The following PTCH1 variants were observed in gnomAD, a reference collection of about 807,000 sequenced individuals.
The protein encoded by PTCH1 is protein patched homolog 1.
In PTCH1, 14 loss-of-function variants were observed where a neutral mutation model predicts 144.6. The ratio of observed to expected loss-of-function variants is 0.10; its 90% CI spans 0.06 to 0.15. The LOEUF (loss-of-function observed/expected upper bound fraction) is 0.15. PTCH1 is among the 10% of genes least tolerant of loss of function. The pLI, the probability that PTCH1 is intolerant of heterozygous loss-of-function variation, is 1.00. For synonymous variants in PTCH1, 833 were observed against 793.6 expected, an observed-to-expected ratio of 1.05 and a Z score of -0.83; for missense variants, 1,623 against 1,948.3, an observed-to-expected ratio of 0.83 and a Z score of 3.14.
chr9:95,463,363 C>A (rs1252961265), intron 15 of PTCH1, among the ~76,000 whole-genome samples: 1 of 151,554 alleles, frequency 6.6e-6, no homozygotes, highest in East Asian at 1.9e-4. Flanking sequence ...TCAGGGTGAG[C>A]GTGGAGGGGA....
chr9:95,486,924 T>G (rs1423822114), intron 2 of PTCH1, among the ~76,000 whole-genome samples: 1 of 152,194 alleles, frequency 6.6e-6, no homozygotes, highest in Non-Finnish European at 1.5e-5. Flanking sequence ...GAATTGTTCC[T>G]AAAGTCATTG....
intron 3 of PTCH1, chr9:95,483,294 T>C (rs932135706): frequency 6.6e-6 from 1 of 151,626 alleles, no homozygotes; most frequent in Admixed American, 6.6e-5. Flanking sequence ...GGGAGTTTTA[T>C]TGTCTCTAGA....
intron 2 of PTCH1, 99 bp downstream of exon 2, chr9:95,506,308 C>T: frequency 7.2e-7 from 1 of 1,384,156 alleles, no homozygotes; most frequent in Non-Finnish European, 9.8e-7. Flanking sequence ...GGGGTTTCGC[C>T]GGCCGCAGCC....
chr9:95,447,118 C>T lies in PTCH1; in HGVS notation c.4138G>A (p.Ala1380Thr), dbSNP rs111481152. 1.7e-5 allele frequency: 28 copies of T among 1,613,242 alleles called. No homozygotes were observed. Among genetic ancestry groups the T allele is most frequent in the Admixed American group, 3.3e-5 (2 of 59,996 alleles). The change falls in exon 23 of 24, where the codon GCC becomes ACC. Residue 1380 changes from alanine (A) to threonine (T), a missense_variant. Physicochemically the swap from Ala to Thr is moderately conservative, Grantham distance 58 (BLOSUM62 0). Around this residue, in one of 7 missense-constraint regions of PTCH1, gnomAD observed 291 missense variants for 287.4 expected, o/e 1.01. Coordinates refer to ENST00000331920, the MANE Select transcript of PTCH1 (RefSeq NM_000264.5). ...TVTASASVTV[A>T]VHPPPVPGPG... ...CCAGGGACAGGCGGCGGGTGCACGGCGACAGTCACGGAGGCAGAAGCCGTC... is the reference window on the plus strand; with the variant it reads ...CCAGGGACAGGCGGCGGGTGCACGGTGACAGTCACGGAGGCAGAAGCCGTC...
intron 2 of PTCH1, among the ~76,000 whole-genome samples, chr9:95,489,959 C>A (rs1244007504): frequency 6.6e-6 from 1 of 151,352 alleles, no homozygotes; most frequent in Non-Finnish European, 1.5e-5. Context: ...CGCCACCAGG[C>A]CTGGCTAATT....
At chr9:95,507,476 G>C (rs955397329) in intron 1 of PTCH1, 1 of 976,098 alleles carries the variant, frequency 1.0e-6, no homozygotes, top group East Asian at 1.1e-4. Context: ...CAGCTCCGCA[G>C]ACTCGCACCG....
chr9:95,458,309 C>T lies in PTCH1; in HGVS notation c.2888-16G>A. On this transcript the variant is annotated splice_polypyrimidine_tract_variant and intron_variant, in intron 17 of 23. Transcript: ENST00000331920. The surrounding 1 kb of genome is among the most constrained non-coding windows in gnomAD (Gnocchi z 4.7). ...GCTGCCGGGACTGGACAGAGAAGGG[C>T]ACAGGTTAGGAGCAGCCCAGGGTAG... is the stretch of plus-strand genomic sequence containing the variant. 6.2e-7 allele frequency: 1 copy of T among 1,612,760 alleles called. No homozygotes were observed. Among genetic ancestry groups the T allele is most frequent in the Non-Finnish European group, 8.5e-7 (1 of 1,179,646 alleles).
rs2136689118 is a variant in PTCH1, at chr9:95,461,961, C to T, written c.2598G>A (p.Gly866=). 6.2e-7 allele frequency: 1 copy of T among 1,614,224 alleles called. No individual in the cohort carries two copies. Among genetic ancestry groups the T allele is most frequent in the East Asian group, 2.2e-5 (1 of 44,880 alleles). Residue 866 remains glycine, a synonymous_variant, in exon 16 of 24, where the codon GGG becomes GGA. Transcript: ENST00000331920. Reference sequence around the variant, plus strand: ...TCTTGTAATTGTTTGGCATGATTTTCCCGGTTTCCCAGTCACTGTCAAATG... The same window carrying T: ...TCTTGTAATTGTTTGGCATGATTTTTCCGGTTTCCCAGTCACTGTCAAATG... ...QDAFDSDWET[G]KIMPNNYKNG...
At chr9:95,454,118 T>C (rs557493936) in intron 19 of PTCH1, among the ~76,000 whole-genome samples, 7 of 152,354 alleles carry the variant, frequency 4.6e-5, no homozygotes, top group African/African-American at 1.4e-4. Flanking sequence ...CTAAGCACTA[T>C]GAGTGTATTG....
intron 6 of PTCH1, 51 bp from the exon 7 acceptor site, chr9:95,480,141 A>G (rs1313917846): frequency 6.2e-7 from 1 of 1,611,652 alleles, no homozygotes; most frequent in Non-Finnish European, 8.5e-7. Context: ...GGCAGGTCAC[A>G]TGCCTTGTTA....
At position 95,508,325 on chromosome 9, in the gene PTCH1, G is replaced by C. The variant is rs779791579; in HGVS notation, c.37C>G (p.Arg13Gly). ...SAGNAAEPQDRGGGGSGCIGA... is the reference protein window; with the variant it reads ...SAGNAAEPQDGGGGGSGCIGA... ...ATACAGCCGCTGCCGCCGCCGCCGC[G>C]GTCCTGGGGCTCGGCGGCGTTACCA... is the stretch of plus-strand genomic sequence containing the variant. The change falls in exon 1 of 24, where the codon CGC becomes GGC. Residue 13 changes from arginine to glycine, a missense_variant. Transcript: ENST00000331920. The C allele has an allele frequency of 6.7e-4, 893 of 1,329,986 alleles. No homozygotes were observed. Among genetic ancestry groups the C allele is most frequent in the East Asian group, 1.5e-3 (48 of 31,930 alleles). 82.4% of individuals were successfully genotyped at this position (1,329,986 alleles called of 1,614,324 possible).
At chr9:95,504,753 C>T (rs1302229720) in intron 2 of PTCH1, among the ~76,000 whole-genome samples, 1 of 152,170 alleles carries the variant, frequency 6.6e-6, no homozygotes, top group Non-Finnish European at 1.5e-5. Context: ...AGTTCTCTCC[C>T]CCCACCCCCT....
exon 1 of PTCH1, chr9:95,516,755 G>A (rs748532350): frequency 1.2e-6 from 2 of 1,613,304 alleles, no homozygotes; most frequent in South Asian, 2.2e-5. Context: ...CTGGGCCGCC[G>A]GAGGCTTTCG....
chr9:95,472,023 G>T (rs1452929085), intron 12 of PTCH1, among the ~76,000 whole-genome samples: 1 of 152,240 alleles, frequency 6.6e-6, no homozygotes, highest in Admixed American at 6.5e-5. Flanking sequence ...GGCAACAAGA[G>T]TGAGACTCCG....
In PTCH1 at chr9:95,453,311, G is replaced by A. The variant is rs993836748; in HGVS notation, c.3449+167C>T. The A allele has an allele frequency of 4.2e-6, 4 of 953,998 alleles. No individual in the cohort carries two copies. In the African/African-American group the frequency reaches 6.5e-5, roughly 15 times the overall value. The allele number at this position is 953,998 out of a possible 1,614,324, so 59.1% of individuals were successfully genotyped here. A position where few individuals can be genotyped will look rare whatever the true frequency, so the allele number is the denominator to read the frequency against. ...CACGCCCGGCTAATTTTTGTATTTT[G>A]AGTGGAGATGAGTTTCACCATCTTG... On this transcript the variant is annotated intron_variant, in intron 20 of 23. Transcript: ENST00000331920.
upstream of PTCH1, among the ~76,000 whole-genome samples, chr9:95,513,475 A>G (rs1374634978): frequency 6.6e-6 from 1 of 152,086 alleles, no homozygotes; most frequent in Non-Finnish European, 1.5e-5. Context: ...ATTTGATGCA[A>G]TATTCTTTTA....
chr9:95,449,494 G>C lies in PTCH1; in HGVS notation c.3550-171C>G. 2 of 879,828 alleles carry C rather than the reference G, an allele frequency of 2.3e-6. No individual in the cohort carries two copies. Among genetic ancestry groups the C allele is most frequent in the Non-Finnish European group, 3.5e-6 (2 of 566,178 alleles). 54.5% of individuals were successfully genotyped at this position (879,828 alleles called of 1,614,324 possible). A position where few individuals can be genotyped will look rare whatever the true frequency, so the allele number is the denominator to read the frequency against. ...ACCACCTGGAGGACCTTCAGGTCCC[G>C]CAGCTGGAGCAGAAGAACTGTCCTC... On this transcript the variant is annotated intron_variant, in intron 21 of 23. Transcript: ENST00000331920. This position sits in a 1 kb window ranked among gnomAD's most constrained non-coding sequence, Gnocchi z 5.3.
intron 13 of PTCH1, 49 bp downstream of exon 13, chr9:95,469,764 A>G: frequency 6.7e-7 from 1 of 1,502,816 alleles, no homozygotes; most frequent in East Asian, 2.3e-5. Flanking sequence ...GTTCTCTCAC[A>G]GCACCATTCT....
intron 2 of PTCH1, among the ~76,000 whole-genome samples, chr9:95,490,149 A>G (rs1283806013): frequency 1.3e-5 from 2 of 151,280 alleles, no homozygotes; most frequent in East Asian, 2.0e-4. Flanking sequence ...GTTTATTTCT[A>G]TCAATTTTTC....
Sources: gnomAD v4.1 joint callset for allele counts (sites outside exome capture counted in the v4.1 genomes callset) on GRCh38, gnomAD v4.1.1 for gene constraint, gnomAD v4.1.1 regional missense constraint, Gnocchi (gnomAD v3.1) non-coding constraint, MANE v1.5 for transcripts, NCBI Gene and HGNC (gene_info 2026-07-23, HGNC 2026-07-21) for gene names.